PCBP3: variants seen among roughly 807,000 people sequenced by gnomAD.
PCBP3 encodes poly(rC)-binding protein 3.
PCBP3 carries 25 observed loss-of-function variants against 52.7 expected under a neutral mutation model. That is an observed-to-expected ratio of 0.47 (90% CI 0.35 to 0.66). The LOEUF (loss-of-function observed/expected upper bound fraction) is 0.66. Ranked by LOEUF, PCBP3 falls within the 30% of genes least tolerant of loss-of-function variation. The pLI is 0.01. For missense variants in PCBP3, 391 were observed against 490.3 expected (o/e 0.80, Z 1.91); for synonymous variants, 162 against 183.0 (o/e 0.89, Z 0.93).
At chr21:45,765,482 G>A (rs1346214111) in intron 4 of PCBP3, among the ~76,000 whole-genome samples, 1 of 152,258 alleles carries the variant, frequency 6.6e-6, no homozygotes, top group East Asian at 1.9e-4. Context: ...CAGCTACAGT[G>A]AGGAGCTGCG....
chr21:45,743,601 A>T (rs1263493787), intron 3 of PCBP3, among the ~76,000 whole-genome samples: 1 of 152,074 alleles, frequency 6.6e-6, no homozygotes. Context: ...CCAGTATCTT[A>T]TTGGGACTAG....
rs35198971 is a variant in PCBP3, at chr21:45,886,633, G to T, written c.11-9575G>T. On this transcript the variant is annotated intron_variant, in intron 5 of 17. Coordinates refer to ENST00000681687, the MANE Select transcript of PCBP3 (RefSeq NM_001384156.1). ...GGTGTGGAGGAGGCCTCATTGCCCC[G>T]GGTACCAAGGGCAGAGGATGTGGTG... Among the ~76,000 whole-genome samples the T allele has an allele frequency of 1.5e-3, 18 of 11,772 alleles. 1 individual carries two copies. The highest frequency in any genetic ancestry group is 6.9e-3 in the African/African-American group (16 of 2,332). The allele number at this position is 11,772 out of a possible 152,430, so 7.7% of individuals were successfully genotyped here.
At chr21:45,646,910 G>T (rs2079351518) in intron 1 of PCBP3, among the ~76,000 whole-genome samples, 1 of 152,222 alleles carries the variant, frequency 6.6e-6, no homozygotes, top group South Asian at 2.1e-4. Flanking sequence ...GGGCTACTGA[G>T]TGGTTGCCAG....
intron 5 of PCBP3, among the ~76,000 whole-genome samples, chr21:45,884,468 A>C (rs550182060): frequency 3.3e-5 from 5 of 152,234 alleles, no homozygotes; most frequent in Non-Finnish European, 7.3e-5. Context: ...ATATATATGT[A>C]GCACATGTAT....
At chr21:45,893,583 GC>G (rs57075620) in intron 5 of PCBP3, among the ~76,000 whole-genome samples, 103 of 49,446 alleles carry the variant, frequency 2.1e-3, no homozygotes, top group African/African-American at 6.3e-3. Context: ...CAGTGGGGAG[GC>G]AGGTGAGGGC....
Position 45,812,509 on chromosome 21 carries a change from G to A in PCBP3, c.-125-37452G>A, listed in dbSNP as rs568888466. ...TAATCTCTGCCTCCCGAGTTCAAGC[G>A]ATTCTCCTGCCTCAGCCTCCCGAGT... On this transcript the variant is annotated intron_variant, in intron 4 of 17. Coordinates refer to ENST00000681687, the MANE Select transcript of PCBP3 (RefSeq NM_001384156.1). 6.9e-4 allele frequency among the ~76,000 whole-genome samples: 105 copies of A among 152,262 alleles called. No homozygotes were observed. The Middle Eastern group carries it at 0.01, about 15-fold the overall frequency.
rs538501399 is a variant in PCBP3 at position 45,835,342 on chromosome 21, G to A, written c.-125-14619G>A. Among the ~76,000 whole-genome samples, 6 of 152,272 alleles carry A rather than the reference G, an allele frequency of 3.9e-5. No individual in the cohort carries two copies. The East Asian group carries it at 1.2e-3, about 30-fold the overall frequency. The stretch of plus-strand genomic sequence containing the variant: ...GGCTTAGCAGCACCGGAGCTGCTCT[G>A]TGGCCTGTTGGCAGAGAGGAGTCTG... On this transcript the variant is annotated intron_variant, in intron 4 of 17. Transcript: ENST00000681687.
intron 4 of PCBP3, among the ~76,000 whole-genome samples, chr21:45,849,491 C>T (rs1224453002): frequency 6.6e-6 from 1 of 152,166 alleles, no homozygotes; most frequent in Non-Finnish European, 1.5e-5. Context: ...CAGGCATGAG[C>T]CACCACATCC....
intron 1 of PCBP3, among the ~76,000 whole-genome samples, chr21:45,654,279 T>G (rs1603119013): frequency 6.6e-6 from 1 of 152,054 alleles, no homozygotes; most frequent in Non-Finnish European, 1.5e-5. Flanking sequence ...ATTTCATTTC[T>G]GCCCAAAGGG....
In PCBP3 at chr21:45,791,694, A is replaced by G. The variant is rs957611206; in HGVS notation, c.-126+36242A>G. 6.6e-6 allele frequency among the ~76,000 whole-genome samples: 1 copy of G among 152,196 alleles called. No individual in the cohort carries two copies. The highest frequency in any genetic ancestry group is 1.5e-5 in the Non-Finnish European group (1 of 68,032). ...AACTAAGAAAAAATTTTAAAATACA[A>G]CTACCTCTTCAGCTTAGAGAATAGT... On this transcript the variant is annotated intron_variant, in intron 4 of 17. Transcript: ENST00000681687. This position sits in a 1 kb window ranked among gnomAD's most constrained non-coding sequence, Gnocchi z 4.2.
intron 4 of PCBP3, among the ~76,000 whole-genome samples, chr21:45,834,669 GTAGGCCAA>G (rs2093538829): frequency 6.6e-6 from 1 of 152,266 alleles, no homozygotes; most frequent in African/African-American, 2.4e-5. Flanking sequence ...GCAGATGGAA[GTAGGCCAA>G]TAGACTCCAA....
chr21:45,891,837 TCTC>T (rs1362923526), intron 5 of PCBP3, among the ~76,000 whole-genome samples: 1 of 152,160 alleles, frequency 6.6e-6, no homozygotes, highest in Non-Finnish European at 1.5e-5. Context: ...CCCGGCCCCT[TCTC>T]CTGCACAGCC....
chr21:45,927,082 G>A (rs1253979783), intron 13 of PCBP3, among the ~76,000 whole-genome samples: 1 of 152,056 alleles, frequency 6.6e-6, no homozygotes. Context: ...CTGTGCTGGG[G>A]GCCTGTTTCT....
chr21:45,787,997 A>G (rs1280807199), intron 4 of PCBP3, among the ~76,000 whole-genome samples: 4 of 152,080 alleles, frequency 2.6e-5, no homozygotes, highest in Non-Finnish European at 5.9e-5. Flanking sequence ...GGGGAGACCT[A>G]CGGGGGAAGA....
intron 2 of PCBP3, chr21:45,728,599 A>T (rs1451467035): frequency 6.6e-6 from 1 of 152,176 alleles, no homozygotes; most frequent in Non-Finnish European, 1.5e-5. Flanking sequence ...ATTGGGAAGT[A>T]TTCTCTCATC....
intron 16 of PCBP3, among the ~76,000 whole-genome samples, chr21:45,939,501 A>G (rs1274162294): frequency 6.6e-6 from 1 of 152,256 alleles, no homozygotes; most frequent in Non-Finnish European, 1.5e-5. Flanking sequence ...AGTTTAATCT[A>G]AGTTCAGCAA....
chr21:45,911,025 C>G lies in PCBP3; in HGVS notation c.595C>G (p.Leu199Val), dbSNP rs1262236549. The G allele has an allele frequency of 6.2e-7, 1 of 1,609,952 alleles. No individual in the cohort carries two copies. Among genetic ancestry groups the G allele is most frequent in the South Asian group, 1.1e-5 (1 of 91,086 alleles). Residue 199 changes from leucine (L) to valine (V), a missense_variant, in exon 11 of 18, where the codon CTG becomes GTG. Coordinates refer to ENST00000681687, the MANE Select transcript of PCBP3 (RefSeq NM_001384156.1). ...QCVKQICVVM[L>V]ESPPKGATIP... Reference sequence around the variant, plus strand: ...CGTCAAGCAGATCTGTGTGGTCATGCTGGAGGTACCGTCTGCGCGCCAGGG... The same window carrying G: ...CGTCAAGCAGATCTGTGTGGTCATGGTGGAGGTACCGTCTGCGCGCCAGGG...
intron 4 of PCBP3, among the ~76,000 whole-genome samples, chr21:45,794,021 G>A (rs57812778): frequency 0.013 from 2,046 of 152,250 alleles, 63 homozygotes; most frequent in African/African-American, 0.046. Flanking sequence ...CTAAATCACT[G>A]TTGGTGTATA....
At chr21:45,895,599 A>C (rs2095803601) in intron 5 of PCBP3, among the ~76,000 whole-genome samples, 1 of 152,254 alleles carries the variant, frequency 6.6e-6, no homozygotes, top group Non-Finnish European at 1.5e-5. Flanking sequence ...GAATGATGGC[A>C]CACAGTAGTG....
Sources: gnomAD v4.1 joint callset for allele counts (sites outside exome capture counted in the v4.1 genomes callset) on GRCh38, gnomAD v4.1.1 for gene constraint, Gnocchi (gnomAD v3.1) non-coding constraint, MANE v1.5 for transcripts, NCBI Gene and HGNC (gene_info 2026-07-23, HGNC 2026-07-21) for gene names.